The following DIP2C variants were observed in gnomAD, a reference collection of about 807,000 sequenced individuals.
DIP2C encodes DIP2 acetate--CoA ligase C (putative).
Under a neutral mutation model 192.4 loss-of-function variants are expected in DIP2C, and 33 were observed. The observed-to-expected ratio is 0.17, with a 90% confidence interval of 0.13 to 0.23. The LOEUF is 0.23. DIP2C is among the 10% of genes least tolerant of loss of function. The pLI is 1.00. For synonymous variants in DIP2C, 979 were observed against 864.1 expected (o/e 1.13, Z -2.33); for missense variants, 1,537 against 2,110.1 (o/e 0.73, Z 5.32).
At chr10:350,666 G>T (rs1315949553) in intron 24 of DIP2C, among the ~76,000 whole-genome samples, 1 of 130,278 alleles carries the variant, frequency 7.7e-6, no homozygotes, top group African/African-American at 3.0e-5. Flanking sequence ...TTGAGATGGG[G>T]TCTCGCTCTG....
intron 1 of DIP2C, among the ~76,000 whole-genome samples, chr10:586,541 G>A (rs1415889774): frequency 9.9e-5 from 15 of 152,126 alleles, no homozygotes; most frequent in South Asian, 6.2e-4. Context: ...GGCCTCCTCC[G>A]GGAGGCTGTG....
At chr10:325,069 T>C (rs777881176) in intron 31 of DIP2C, 8 of 444,392 alleles carry the variant, frequency 1.8e-5, no homozygotes, top group African/African-American at 6.1e-5. Flanking sequence ...ATCAAAACCA[T>C]GCTGGCTAAC....
At chr10:545,601 T>G (rs150777821) in intron 1 of DIP2C, among the ~76,000 whole-genome samples, 176 of 152,326 alleles carry the variant, frequency 1.2e-3, no homozygotes, top group African/African-American at 3.7e-3. Context: ...TGCCTGCACC[T>G]TGACCCCAGG....
intron 1 of DIP2C, among the ~76,000 whole-genome samples, chr10:531,240 G>A (rs956917777): frequency 1.3e-5 from 2 of 151,898 alleles, no homozygotes. Flanking sequence ...CCACAATCCC[G>A]ATGAGCACAC....
intron 34 of DIP2C, among the ~76,000 whole-genome samples, chr10:284,830 C>T (rs1418323256): frequency 6.6e-6 from 1 of 152,164 alleles, no homozygotes; most frequent in Admixed American, 6.5e-5. Context: ...ATCAAAGCAT[C>T]ACAGTGCATT....
At chr10:422,730 C>A in intron 5 of DIP2C, 94 bp downstream of exon 5, 1 of 1,439,750 alleles carries the variant, frequency 6.9e-7, no homozygotes, top group South Asian at 1.3e-5. Flanking sequence ...CTCTTTCCAC[C>A]GAGGGATTCC....
chr10:584,523 G>A (rs1229828944), intron 1 of DIP2C, among the ~76,000 whole-genome samples: 6 of 102,662 alleles, frequency 5.8e-5, no homozygotes, highest in Admixed American at 1.2e-4. Context: ...CTCGGGGCCC[G>A]CGACCTGGCC....
At chr10:296,325 A>T (rs1955749876) in intron 32 of DIP2C, among the ~76,000 whole-genome samples, 1 of 152,116 alleles carries the variant, frequency 6.6e-6, no homozygotes, top group Non-Finnish European at 1.5e-5. Context: ...ATGCAAATCA[A>T]AACCACAATG....
At chr10:287,981 T>C (rs557910994) in intron 33 of DIP2C, among the ~76,000 whole-genome samples, 2 of 152,284 alleles carry the variant, frequency 1.3e-5, no homozygotes, top group African/African-American at 4.8e-5. Context: ...TTCTCTATGG[T>C]CTGCATGCTT....
intron 35 of DIP2C, 93 bp downstream of exon 35, chr10:283,179 G>A: frequency 6.7e-7 from 1 of 1,494,588 alleles, no homozygotes; most frequent in Non-Finnish European, 9.0e-7. Context: ...CCTGGCTTTG[G>A]CTGCTGTAAA....
intron 1 of DIP2C, among the ~76,000 whole-genome samples, chr10:673,315 C>A (rs936324614): frequency 8.5e-5 from 13 of 152,242 alleles, no homozygotes; most frequent in African/African-American, 3.1e-4. Flanking sequence ...GAAACCCAGT[C>A]TCCTCATCTG....
At chr10:468,088 C>G (rs1010193743) in intron 3 of DIP2C, among the ~76,000 whole-genome samples, 1 of 152,172 alleles carries the variant, frequency 6.6e-6, no homozygotes, top group African/African-American at 2.4e-5. Context: ...TGATTCCAGT[C>G]TTCGCGGTCG....
At chr10:531,757 G>T (rs1034734098) in intron 1 of DIP2C, among the ~76,000 whole-genome samples, 1 of 152,146 alleles carries the variant, frequency 6.6e-6, no homozygotes, top group Non-Finnish European at 1.5e-5. Flanking sequence ...GAAGTCTGTG[G>T]AACCTCAGAG....
intron 1 of DIP2C, among the ~76,000 whole-genome samples, chr10:487,390 C>G (rs897858362): frequency 6.6e-6 from 1 of 152,078 alleles, no homozygotes; most frequent in Non-Finnish European, 1.5e-5. Context: ...CTGGTCAACT[C>G]ACTTTTCCTA....
At chr10:590,141 CTG>C (rs1851315103) in intron 1 of DIP2C, among the ~76,000 whole-genome samples, 2 of 152,346 alleles carry the variant, frequency 1.3e-5, no homozygotes, top group Admixed American at 1.3e-4. Context: ...AGGCACGGAA[CTG>C]TGAAAACCGG....
intron 9 of DIP2C, among the ~76,000 whole-genome samples, chr10:401,579 T>TGTG (rs1554843907): frequency 0.078 from 51 of 658 alleles, 20 homozygotes; most frequent in African/African-American, 0.093. Context: ...ACATGAATCC[T>TGTG]ATTTTACATG....
At chr10:613,597 T>C (rs1034568498) in intron 1 of DIP2C, among the ~76,000 whole-genome samples, 5 of 152,230 alleles carry the variant, frequency 3.3e-5, no homozygotes, top group Non-Finnish European at 7.3e-5. Context: ...CTGTTTCTAA[T>C]TCATGGTAAT....
At chr10:626,863 C>T (rs185073586) in intron 1 of DIP2C, among the ~76,000 whole-genome samples, 105 of 152,350 alleles carry the variant, frequency 6.9e-4, no homozygotes, top group Admixed American at 3.1e-3. Context: ...ACTGTTTGGA[C>T]CATTCGTGAA....
At chr10:572,104 G>T (rs531576405) in intron 1 of DIP2C, among the ~76,000 whole-genome samples, 12 of 152,196 alleles carry the variant, frequency 7.9e-5, no homozygotes, top group Admixed American at 7.9e-4. Context: ...GACAGCCTTC[G>T]ATCACGGTTA....
Sources: allele counts gnomAD v4.1 joint callset (sites outside exome capture counted in the v4.1 genomes callset), GRCh38; gene constraint gnomAD v4.1.1; transcripts MANE v1.5; gene names NCBI Gene and HGNC (gene_info 2026-07-23, HGNC 2026-07-21).